TENM2: variants seen among roughly 807,000 people sequenced by gnomAD.
TENM2 encodes the protein teneurin-2.
In TENM2, 52 loss-of-function variants were observed where a neutral mutation model predicts 245.2. The observed-to-expected ratio is 0.21, with a 90% CI of 0.17 to 0.27. TENM2 has a LOEUF of 0.27. Among genes scored for constraint, TENM2 ranks in the 10% least tolerant of loss-of-function variants. TENM2 has a pLI of 1.00. For synonymous variants in TENM2, 1,363 were observed against 1,438.9 expected (o/e 0.95, Z 1.19); for missense variants, 3,046 against 3,666.8 (o/e 0.83, Z 4.37).
intron 2 of TENM2, among the ~76,000 whole-genome samples, chr5:167,449,968 A>G (rs1765478431): frequency 1.3e-5 from 2 of 152,188 alleles, no homozygotes; most frequent in Admixed American, 1.3e-4. Flanking sequence ...CAAAGAAAAA[A>G]GAAAAAAGGA....
chr5:167,873,288 T>G (rs1257482972), intron 2 of TENM2, among the ~76,000 whole-genome samples: 1 of 152,164 alleles, frequency 6.6e-6, no homozygotes, highest in Non-Finnish European at 1.5e-5. Context: ...AAATCTGGAG[T>G]CCCTTGGGAT....
chr5:167,786,056 C>T (rs1465226907), intron 2 of TENM2, among the ~76,000 whole-genome samples: 2 of 152,154 alleles, frequency 1.3e-5, no homozygotes, highest in African/African-American at 2.4e-5. Context: ...AATTAAACCT[C>T]CTTACCCAAT....
intron 3 of TENM2, among the ~76,000 whole-genome samples, chr5:167,911,370 C>CAA (rs35548468): frequency 0.016 from 2,405 of 151,612 alleles, 21 homozygotes; most frequent in Admixed American, 0.031. Context: ...ACTAAAAATA[C>CAA]AAAAAAAATA....
At chr5:167,604,066 G>A (rs1249016916) in intron 2 of TENM2, among the ~76,000 whole-genome samples, 3 of 151,962 alleles carry the variant, frequency 2.0e-5, no homozygotes, top group Non-Finnish European at 4.4e-5. Context: ...CAATATACTA[G>A]CCTTGTTTCT....
intron 3 of TENM2, among the ~76,000 whole-genome samples, chr5:167,918,722 T>A (rs1777131410): frequency 6.6e-6 from 1 of 151,808 alleles, no homozygotes; most frequent in African/African-American, 2.4e-5. Flanking sequence ...GGCCAGCACC[T>A]CCTGTTAGGC....
the TENM2 span, among the ~76,000 whole-genome samples, chr5:167,072,591 C>T: frequency 1.3e-5 from 2 of 152,158 alleles, no homozygotes. Flanking sequence ...CAAGTGCTTT[C>T]ACAGAATTTT....
the TENM2 span, among the ~76,000 whole-genome samples, chr5:167,163,244 G>A: frequency 6.6e-6 from 1 of 152,126 alleles, no homozygotes; most frequent in Non-Finnish European, 1.5e-5. Context: ...GGGGACTACA[G>A]GCACATGCCA....
exon 29 of TENM2, chr5:168,262,889 C>T: frequency 7.3e-7 from 1 of 1,361,852 alleles, no homozygotes; most frequent in Middle Eastern, 1.9e-4. Flanking sequence ...GAGATGAAGA[C>T]CTAACAGGGG....
At chr5:167,817,115 G>T (rs1422476646) in intron 2 of TENM2, among the ~76,000 whole-genome samples, 7 of 152,168 alleles carry the variant, frequency 4.6e-5, no homozygotes, top group African/African-American at 1.7e-4. Context: ...TTTTGTTCAG[G>T]TGTTTTGACA....
At chr5:167,638,090 GGTGTGTGTGTGT>G (rs70976439) in intron 2 of TENM2, among the ~76,000 whole-genome samples, 48,070 of 137,580 alleles carry the variant, frequency 0.35, 8,833 homozygotes, top group Middle Eastern at 0.51. Flanking sequence ...GAACAGGGCA[GGTGTGTGTGTGT>G]GTGTGTGTGT....
the TENM2 span, among the ~76,000 whole-genome samples, chr5:167,253,661 A>C: frequency 2.0e-5 from 3 of 152,156 alleles, no homozygotes; most frequent in Admixed American, 6.6e-5. Context: ...TAAAGATAGT[A>C]ATATTTTCTC....
the TENM2 span, among the ~76,000 whole-genome samples, chr5:167,182,636 G>A: frequency 6.6e-6 from 1 of 151,996 alleles, no homozygotes; most frequent in Non-Finnish European, 1.5e-5. Context: ...TTGACTCTAA[G>A]CCAAAATAAG....
intron 2 of TENM2, among the ~76,000 whole-genome samples, chr5:167,424,220 T>C (rs1763680009): frequency 6.6e-6 from 1 of 152,110 alleles, no homozygotes; most frequent in Admixed American, 6.6e-5. Context: ...TCTCAGTCAT[T>C]CTTCCGGCCC....
At chr5:166,983,610 A>G in the TENM2 span, among the ~76,000 whole-genome samples, 6 of 152,144 alleles carry the variant, frequency 3.9e-5, no homozygotes, top group Admixed American at 1.3e-4. Flanking sequence ...CTACTGAACA[A>G]TAGGAATTGA....
intron 2 of TENM2, among the ~76,000 whole-genome samples, chr5:167,813,144 T>A (rs959216620): frequency 2.6e-5 from 4 of 152,016 alleles, no homozygotes; most frequent in African/African-American, 9.7e-5. Context: ...GGGTGGAAGC[T>A]CTGTTTCTTC....
chr5:167,060,782 G>T, the TENM2 span, among the ~76,000 whole-genome samples: 2 of 151,568 alleles, frequency 1.3e-5, no homozygotes, highest in Non-Finnish European at 2.9e-5. Flanking sequence ...TTATATGCTT[G>T]TTTTTATATT....
chr5:167,602,306 A>G (rs1287348211), intron 2 of TENM2, among the ~76,000 whole-genome samples: 1 of 152,166 alleles, frequency 6.6e-6, no homozygotes, highest in Non-Finnish European at 1.5e-5. Flanking sequence ...TCCAATTGGT[A>G]TCGAGGACCT....
chr5:167,330,359 G>A (rs1363084092), intron 1 of TENM2, among the ~76,000 whole-genome samples: 3 of 152,112 alleles, frequency 2.0e-5, no homozygotes, highest in Non-Finnish European at 4.4e-5. Flanking sequence ...ACATAGGGAC[G>A]CTTAGTTATT....
intron 2 of TENM2, among the ~76,000 whole-genome samples, chr5:167,739,712 T>C (rs189412981): frequency 6.6e-6 from 1 of 152,286 alleles, no homozygotes; most frequent in East Asian, 1.9e-4. Context: ...CCTGCTGACT[T>C]GCTCCAAAGC....
Sources: allele counts gnomAD v4.1 joint callset (sites outside exome capture counted in the v4.1 genomes callset), GRCh38; gene constraint gnomAD v4.1.1; transcripts MANE v1.5; gene names NCBI Gene and HGNC (gene_info 2026-07-23, HGNC 2026-07-21).